The following PHLDB2 variants were observed in gnomAD, a reference collection of about 807,000 sequenced individuals.
The protein encoded by PHLDB2 is pleckstrin homology like domain family B member 2.
PHLDB2 carries 71 observed loss-of-function variants against 123.6 expected under a neutral mutation model. The observed-to-expected ratio is 0.57, with a 90% confidence interval of 0.47 to 0.70. PHLDB2 has a LOEUF of 0.70. Among genes scored for constraint, PHLDB2 ranks in the 30% least tolerant of loss-of-function variants. The probability of loss-of-function intolerance (pLI) is 0.00; values close to 1 mark genes in which losing one functional copy is unlikely to be tolerated. For synonymous variants in PHLDB2, 547 were observed against 541.6 expected (o/e 1.01, Z -0.14); for missense variants, 1,446 against 1,519.5 (o/e 0.95, Z 0.80).
At chr3:111,872,385 T>C (rs1444269331) in intron 1 of PHLDB2, among the ~76,000 whole-genome samples, 1 of 152,160 alleles carries the variant, frequency 6.6e-6, no homozygotes. Context: ...CCTCCTCTCT[T>C]ACACATGTTA....
At chr3:111,813,734 A>G (rs546848855) in intron 1 of PHLDB2, among the ~76,000 whole-genome samples, 65 of 152,324 alleles carry the variant, frequency 4.3e-4, no homozygotes, top group African/African-American at 1.5e-3. Flanking sequence ...CTTCTTTGCC[A>G]CCAGTTCTTG....
chr3:111,864,049 A>G (rs2108663483), intron 1 of PHLDB2, among the ~76,000 whole-genome samples: 1 of 152,310 alleles, frequency 6.6e-6, no homozygotes, highest in South Asian at 2.1e-4. Context: ...TGGGAGACAT[A>G]AAACCTCTGA....
intron 2 of PHLDB2, among the ~76,000 whole-genome samples, chr3:111,896,125 G>T (rs1006642678): frequency 6.6e-6 from 1 of 151,968 alleles, no homozygotes; most frequent in Non-Finnish European, 1.5e-5. Context: ...ACTAATTTTT[G>T]TATTTTTAGT....
chr3:111,762,833 C>T (rs1324772604), intron 1 of PHLDB2, among the ~76,000 whole-genome samples: 2 of 152,118 alleles, frequency 1.3e-5, no homozygotes, highest in Non-Finnish European at 2.9e-5. Flanking sequence ...CCTCATTTCC[C>T]AGCACTCTCA....
chr3:111,936,051 G>A (rs1282729069), intron 6 of PHLDB2, among the ~76,000 whole-genome samples: 2 of 152,184 alleles, frequency 1.3e-5, no homozygotes, highest in African/African-American at 4.8e-5. Flanking sequence ...ATTTGCTTCT[G>A]GAGTTGGCCA....
chr3:111,879,720 T>A (rs1446618341), intron 1 of PHLDB2, among the ~76,000 whole-genome samples: 1 of 152,200 alleles, frequency 6.6e-6, no homozygotes, highest in East Asian at 1.9e-4. Flanking sequence ...TCTTCAGCCA[T>A]TTGCTATAGT....
At chr3:111,876,652 T>C (rs2065636569) in intron 1 of PHLDB2, among the ~76,000 whole-genome samples, 1 of 152,100 alleles carries the variant, frequency 6.6e-6, no homozygotes, top group South Asian at 2.1e-4. Context: ...ACACGTGCCA[T>C]GGTGGTTTGC....
chr3:111,768,788 C>T (rs1377705037), intron 1 of PHLDB2, among the ~76,000 whole-genome samples: 1 of 152,182 alleles, frequency 6.6e-6, no homozygotes. Context: ...CTCTGCCCTG[C>T]CAGCTTCTTT....
At chr3:111,868,732 A>G (rs1289111033) in intron 1 of PHLDB2, among the ~76,000 whole-genome samples, 1 of 152,158 alleles carries the variant, frequency 6.6e-6, no homozygotes, top group Non-Finnish European at 1.5e-5. Context: ...TGAAGAAATC[A>G]CACCTTGATG....
At chr3:111,794,768 G>T (rs1457801302) in intron 1 of PHLDB2, among the ~76,000 whole-genome samples, 2 of 152,228 alleles carry the variant, frequency 1.3e-5, no homozygotes, top group East Asian at 1.9e-4. Flanking sequence ...CCTGATACAT[G>T]AATGGTAAGG....
At chr3:111,738,997 G>A (rs564168639) in intron 1 of PHLDB2, among the ~76,000 whole-genome samples, 2 of 152,208 alleles carry the variant, frequency 1.3e-5, no homozygotes, top group African/African-American at 4.8e-5. Context: ...TTCGGCTTTC[G>A]TGGCCTCAAT....
chr3:111,752,842 C>T (rs1287513704), intron 1 of PHLDB2, among the ~76,000 whole-genome samples: 1 of 151,492 alleles, frequency 6.6e-6, no homozygotes, highest in Non-Finnish European at 1.5e-5. Flanking sequence ...TGTTCCCCCT[C>T]CTGTGTCCAT....
intron 1 of PHLDB2, chr3:111,859,912 C>T (rs970498233): frequency 2.0e-6 from 2 of 985,180 alleles, no homozygotes; most frequent in African/African-American, 3.5e-5. Context: ...AGTTTCTTTG[C>T]TTCTTTACAG....
chr3:111,795,362 A>G (rs1045406415), intron 1 of PHLDB2, among the ~76,000 whole-genome samples: 5 of 152,058 alleles, frequency 3.3e-5, no homozygotes, highest in Non-Finnish European at 7.4e-5. Flanking sequence ...CAAAGTGCAC[A>G]TTGTCCAAGA....
intron 1 of PHLDB2, among the ~76,000 whole-genome samples, chr3:111,800,206 C>A (rs2061327862): frequency 6.6e-6 from 1 of 152,184 alleles, no homozygotes; most frequent in South Asian, 2.1e-4. Flanking sequence ...GGGGTTTTGC[C>A]ATGTTTCCCC....
intron 1 of PHLDB2, among the ~76,000 whole-genome samples, chr3:111,798,307 A>T (rs1009675065): frequency 6.6e-6 from 1 of 152,214 alleles, no homozygotes; most frequent in South Asian, 2.1e-4. Flanking sequence ...TTTTCAAAAG[A>T]TGTTTAAAAA....
intron 1 of PHLDB2, among the ~76,000 whole-genome samples, chr3:111,750,562 A>G (rs1196213798): frequency 6.6e-6 from 1 of 152,208 alleles, no homozygotes; most frequent in Non-Finnish European, 1.5e-5. Context: ...TGTGTACGAA[A>G]GTTGGAAGTA....
intron 5 of PHLDB2, among the ~76,000 whole-genome samples, chr3:111,922,013 A>G (rs1041365551): frequency 2.0e-5 from 3 of 152,262 alleles, no homozygotes; most frequent in African/African-American, 7.2e-5. Context: ...GTTAATGGCT[A>G]TGCTTTTCAA....
At chr3:111,751,848 A>T (rs561196830) in intron 1 of PHLDB2, among the ~76,000 whole-genome samples, 6 of 152,154 alleles carry the variant, frequency 3.9e-5, no homozygotes, top group Admixed American at 2.0e-4. Flanking sequence ...TAATAATAAA[A>T]ATTTTTTAAA....
Sources: gnomAD v4.1 joint callset for allele counts (sites outside exome capture counted in the v4.1 genomes callset) on GRCh38, gnomAD v4.1.1 for gene constraint, MANE v1.5 for transcripts, NCBI Gene and HGNC (gene_info 2026-07-23, HGNC 2026-07-21) for gene names.